Variants in NRXN3 observed in about 807,000 individuals in gnomAD.
NRXN3 encodes neurexin 3.
NRXN3 carries 32 observed loss-of-function variants against 137.6 expected under a neutral mutation model. That is an observed-to-expected ratio of 0.23 (90% CI 0.18 to 0.31). NRXN3 has a LOEUF of 0.31. NRXN3 is among the 10% of genes least tolerant of loss of function. The pLI is 1.00. For synonymous variants in NRXN3, 798 were observed against 784.5 expected, an observed-to-expected ratio of 1.02 and a Z score of -0.29; for missense variants, 1,574 against 2,062.5, an observed-to-expected ratio of 0.76 and a Z score of 4.59.
chr14:79,643,458 A>G (rs2098441358), intron 16 of NRXN3, among the ~76,000 whole-genome samples: 1 of 135,052 alleles, frequency 7.4e-6, no homozygotes, highest in East Asian at 2.0e-4. Context: ...CCAGCTGCTC[A>G]GAACATACTG....
intron 15 of NRXN3, among the ~76,000 whole-genome samples, chr14:79,143,620 A>G (rs2061924): frequency 0.098 from 14,858 of 152,266 alleles, 2,479 homozygotes; most frequent in African/African-American, 0.34. Context: ...TTTTGTCTAT[A>G]CTGCAGAATA....
intron 4 of NRXN3, among the ~76,000 whole-genome samples, chr14:78,342,881 A>G (rs59146318): frequency 0.036 from 5,471 of 152,176 alleles, 279 homozygotes; most frequent in African/African-American, 0.12. Context: ...GGTTAATAAC[A>G]CTTTAGATTG....
chr14:79,509,983 G>T (rs937831428), intron 16 of NRXN3, among the ~76,000 whole-genome samples: 3 of 149,690 alleles, frequency 2.0e-5, no homozygotes, highest in African/African-American at 5.0e-5. Context: ...ATCTCAACCC[G>T]CCTGTCACTG....
chr14:78,764,771 T>G (rs1314020943), intron 8 of NRXN3, among the ~76,000 whole-genome samples: 1 of 152,046 alleles, frequency 6.6e-6, no homozygotes, highest in Non-Finnish European at 1.5e-5. Flanking sequence ...AAAGAGACAG[T>G]GATTAGATCA....
intron 6 of NRXN3, among the ~76,000 whole-genome samples, chr14:78,672,332 T>C (rs1232567691): frequency 6.6e-6 from 1 of 152,188 alleles, no homozygotes; most frequent in Non-Finnish European, 1.5e-5. Flanking sequence ...CATCAATATA[T>C]TGTTTGCTAT....
intron 19 of NRXN3, among the ~76,000 whole-genome samples, chr14:79,698,304 A>G (rs1200371306): frequency 1.3e-5 from 2 of 152,044 alleles, no homozygotes; most frequent in Non-Finnish European, 2.9e-5. Flanking sequence ...ATGAAAAGCT[A>G]TATCCTAGTT....
In NRXN3 at chr14:79,094,973, A is replaced by T. The variant is rs1436259019; in HGVS notation, c.3262+106832A>T. Among the ~76,000 whole-genome samples, 518 of 94,700 alleles carry T rather than the reference A, an allele frequency of 5.5e-3. 4 individuals are homozygous for T. The highest frequency in any genetic ancestry group is 0.016 in the African/African-American group (423 of 26,154). 62.1% of individuals were successfully genotyped at this position (94,700 alleles called of 152,430 possible). A position where few individuals can be genotyped will look rare whatever the true frequency, so the allele number is the denominator to read the frequency against. On this transcript the variant is annotated intron_variant, in intron 15 of 20. Coordinates refer to ENST00000335750, the MANE Select transcript of NRXN3 (RefSeq NM_001330195.2). ...AAGAGAGAGAGAGAGAGAGAGAGAGAGAGAGAGTGTGTGTGTGTGTGTGTG... is the reference window on the plus strand; with the variant it reads ...AAGAGAGAGAGAGAGAGAGAGAGAGTGAGAGAGTGTGTGTGTGTGTGTGTG...
intron 10 of NRXN3, among the ~76,000 whole-genome samples, chr14:78,822,955 C>T (rs1316614103): frequency 6.6e-6 from 1 of 152,118 alleles, no homozygotes; most frequent in South Asian, 2.1e-4. Context: ...TGTAGGTAGT[C>T]TTTCTGAAGT....
chr14:79,227,828 C>CCCTT (rs2071339559), intron 15 of NRXN3, among the ~76,000 whole-genome samples: 1 of 138,518 alleles, frequency 7.2e-6, no homozygotes, highest in South Asian at 2.5e-4. Context: ...CTCCCTTCCT[C>CCCTT]CCTTCCTCCC....
At position 78,714,721 on chromosome 14, in the gene NRXN3, G is replaced by C. The variant is rs771130785; in HGVS notation, c.1661-35G>C. Reference sequence around the variant, plus strand: ...GTTTCTTACATTTGGTTAAGCAACTGGCAGACTCACCTGAGATCTGTCTTC... The same window carrying C: ...GTTTCTTACATTTGGTTAAGCAACTCGCAGACTCACCTGAGATCTGTCTTC... On this transcript the variant is annotated intron_variant, in intron 7 of 20. Coordinates refer to ENST00000335750, the MANE Select transcript of NRXN3 (RefSeq NM_001330195.2). The C allele has an allele frequency of 3.1e-6, 5 of 1,599,092 alleles. No homozygotes were observed. In the African/African-American group the frequency reaches 5.4e-5, roughly 17 times the overall value.
intron 15 of NRXN3, among the ~76,000 whole-genome samples, chr14:79,042,565 A>T (rs1295437064): frequency 2.6e-5 from 4 of 152,154 alleles, no homozygotes; most frequent in Admixed American, 6.5e-5. Context: ...GCCATTTTAC[A>T]TTGTGTTTTT....
At chr14:78,407,488 T>C (rs1319464933) in intron 4 of NRXN3, among the ~76,000 whole-genome samples, 1 of 152,172 alleles carries the variant, frequency 6.6e-6, no homozygotes, top group Non-Finnish European at 1.5e-5. Context: ...TTTTCCTGTG[T>C]TTGAACCAAA....
chr14:79,711,136 A>G (rs951101481), intron 19 of NRXN3, among the ~76,000 whole-genome samples: 1 of 152,226 alleles, frequency 6.6e-6, no homozygotes, highest in Non-Finnish European at 1.5e-5. Context: ...AAGTTACAAT[A>G]AAGTGATTGA....
chr14:79,238,423 A>T (rs565695658), intron 15 of NRXN3, among the ~76,000 whole-genome samples: 1 of 152,180 alleles, frequency 6.6e-6, no homozygotes, highest in Non-Finnish European at 1.5e-5. Context: ...GAGGAGTGAA[A>T]CTTGCTTGAA....
chr14:79,419,568 A>G (rs549238909), intron 15 of NRXN3, among the ~76,000 whole-genome samples: 54 of 152,262 alleles, frequency 3.5e-4, no homozygotes, highest in African/African-American at 1.2e-3. Context: ...GATGTCATCA[A>G]GAGTCTTGTG....
At chr14:78,437,720 G>A (rs1419575586) in intron 4 of NRXN3, among the ~76,000 whole-genome samples, 1 of 152,176 alleles carries the variant, frequency 6.6e-6, no homozygotes, top group Non-Finnish European at 1.5e-5. Context: ...CAGAGTGCTT[G>A]TTGAAAATAT....
chr14:78,646,691 T>C (rs1327923555), intron 5 of NRXN3, among the ~76,000 whole-genome samples: 1 of 152,188 alleles, frequency 6.6e-6, no homozygotes, highest in Non-Finnish European at 1.5e-5. Flanking sequence ...CAGGTAAAAA[T>C]GCCAAATGAC....
chr14:78,520,066 C>A (rs2096265251), intron 4 of NRXN3, among the ~76,000 whole-genome samples: 1 of 152,154 alleles, frequency 6.6e-6, no homozygotes, highest in Non-Finnish European at 1.5e-5. Flanking sequence ...GCTGAAACAT[C>A]CCCTGTTCAA....
chr14:78,627,747 A>G (rs914480184), intron 4 of NRXN3, among the ~76,000 whole-genome samples: 2 of 152,222 alleles, frequency 1.3e-5, no homozygotes, highest in Non-Finnish European at 2.9e-5. Flanking sequence ...ATGAAACTAT[A>G]CTAGCCTTGT....
Sources: allele counts gnomAD v4.1 joint callset (sites outside exome capture counted in the v4.1 genomes callset), GRCh38; gene constraint gnomAD v4.1.1; transcripts MANE v1.5; gene names NCBI Gene and HGNC (gene_info 2026-07-23, HGNC 2026-07-21).